ARHGAP32: variants seen among roughly 807,000 people sequenced by gnomAD.
ARHGAP32 encodes rho GTPase-activating protein 32.
ARHGAP32 carries 51 observed loss-of-function variants against 186.5 expected under a neutral mutation model. The observed-to-expected ratio is 0.27, with a 90% CI of 0.22 to 0.35. ARHGAP32 has a LOEUF of 0.35. Among genes scored for constraint, ARHGAP32 ranks in the 10% least tolerant of loss-of-function variants. The probability of loss-of-function intolerance (pLI) is 1.00; values close to 1 mark genes in which losing one functional copy is unlikely to be tolerated. For synonymous variants in ARHGAP32, 950 were observed against 964.3 expected, an observed-to-expected ratio of 0.99 and a Z score of 0.27; for missense variants, 2,186 against 2,623.5, an observed-to-expected ratio of 0.83 and a Z score of 3.64.
At chr11:129,258,036 G>C (rs1398390262) in intron 1 of ARHGAP32, among the ~76,000 whole-genome samples, 1 of 151,948 alleles carries the variant, frequency 6.6e-6, no homozygotes, top group African/African-American at 2.4e-5. Flanking sequence ...GTTCAAAAAA[G>C]TCTTATTTTT....
intron 1 of ARHGAP32, among the ~76,000 whole-genome samples, chr11:129,178,481 C>T (rs1943971963): frequency 6.6e-6 from 1 of 152,116 alleles, no homozygotes. Flanking sequence ...GCCCACAACG[C>T]CAAGTCAATC....
In ARHGAP32 at chr11:129,093,727, G is replaced by A. The variant is rs753829725; in HGVS notation, c.445-20C>T. ...TGAAAGCTACATCACAGAAAAAAAA[G>A]AAGAGGGGGAAAGAAAGTCATGATT... On this transcript the variant is annotated intron_variant, in intron 5 of 22. Transcript: ENST00000682385. 1 of 1,509,276 alleles carries A rather than the reference G, an allele frequency of 6.6e-7. No homozygotes were observed. Among genetic ancestry groups the A allele is most frequent in the South Asian group, 1.2e-5 (1 of 83,432 alleles). The allele number at this position is 1,509,276 out of a possible 1,614,324, so 93.5% of individuals were successfully genotyped here.
intron 1 of ARHGAP32, among the ~76,000 whole-genome samples, chr11:129,256,660 G>A (rs1009338169): frequency 1.2e-4 from 18 of 152,106 alleles, no homozygotes; most frequent in Non-Finnish European, 5.9e-5. Context: ...ATTTGAAGTC[G>A]GATAACATCC....
At chr11:129,262,572 A>C (rs934130567) in intron 1 of ARHGAP32, among the ~76,000 whole-genome samples, 1 of 151,906 alleles carries the variant, frequency 6.6e-6, no homozygotes. Context: ...TTTTTAGTAG[A>C]CAGGGTTTCA....
At chr11:129,142,203 C>A (rs902631625) in intron 2 of ARHGAP32, among the ~76,000 whole-genome samples, 1 of 152,116 alleles carries the variant, frequency 6.6e-6, no homozygotes, top group African/African-American at 2.4e-5. Context: ...CCCGGCTCTT[C>A]CCCTCTTTCC....
chr11:129,030,897 G>A (rs765427510), intron 11 of ARHGAP32, among the ~76,000 whole-genome samples: 1 of 152,170 alleles, frequency 6.6e-6, no homozygotes, highest in Non-Finnish European at 1.5e-5. Context: ...AGATCTGGTT[G>A]TATAAGTATG....
At chr11:129,250,222 C>T (rs10894010) in intron 1 of ARHGAP32, among the ~76,000 whole-genome samples, 30,240 of 151,736 alleles carry the variant, frequency 0.2, 3,167 homozygotes, top group East Asian at 0.24. Context: ...GTCAGTGATA[C>T]CCCCCTGAAA....
intron 2 of ARHGAP32, among the ~76,000 whole-genome samples, chr11:129,134,273 T>C (rs1263556015): frequency 6.6e-6 from 1 of 151,536 alleles, no homozygotes; most frequent in Admixed American, 6.6e-5. Context: ...AGAAAGAAAC[T>C]AAAGGTCTAT....
At position 128,976,478 on chromosome 11, in the gene ARHGAP32, C is replaced by T; in HGVS notation, c.2194+85G>A. ...ATGAGTTAATAGCCTATTTATTAAGCACAGATATATAAAAATATACTCAAT... is the reference window on the plus strand; with the variant it reads ...ATGAGTTAATAGCCTATTTATTAAGTACAGATATATAAAAATATACTCAAT... On this transcript the variant is annotated intron_variant, in intron 20 of 22. Transcript: ENST00000682385. 2.7e-6 allele frequency: 3 copies of T among 1,115,140 alleles called. No homozygotes were observed. The South Asian group carries it at 4.0e-5, about 15-fold the overall frequency. The allele number at this position is 1,115,140 out of a possible 1,614,324, so 69.1% of individuals were successfully genotyped here.
chr11:129,096,665 G>A (rs977488833), intron 5 of ARHGAP32, among the ~76,000 whole-genome samples: 4 of 152,150 alleles, frequency 2.6e-5, no homozygotes, highest in Non-Finnish European at 4.4e-5. Context: ...CTGTGGCTGC[G>A]GATCACTGCT....
intron 2 of ARHGAP32, among the ~76,000 whole-genome samples, chr11:129,162,150 G>C (rs1339206904): frequency 6.6e-6 from 1 of 152,092 alleles, no homozygotes. Context: ...CTGTCAGGGG[G>C]TGGGGGCTAG....
chr11:129,107,174 A>T (rs1480767767), intron 5 of ARHGAP32, among the ~76,000 whole-genome samples: 10 of 152,210 alleles, frequency 6.6e-5, no homozygotes, highest in Non-Finnish European at 1.3e-4. Context: ...ATACTGAAAG[A>T]AAAACCTAGT....
chr11:129,140,357 T>A (rs1943025549), intron 2 of ARHGAP32, among the ~76,000 whole-genome samples: 1 of 152,234 alleles, frequency 6.6e-6, no homozygotes, highest in South Asian at 2.1e-4. Context: ...GAGAACCCAG[T>A]TAAGCCTGCC....
At chr11:129,153,159 T>C (rs1943326724) in intron 2 of ARHGAP32, among the ~76,000 whole-genome samples, 1 of 150,314 alleles carries the variant, frequency 6.7e-6, no homozygotes, top group South Asian at 2.1e-4. Context: ...AAAAAAAAAT[T>C]AGGAATATAC....
intron 1 of ARHGAP32, among the ~76,000 whole-genome samples, chr11:129,253,631 G>A (rs1046731150): frequency 6.6e-6 from 1 of 152,058 alleles, no homozygotes. Flanking sequence ...TCCTCATAGG[G>A]CAATCAAAAA....
chr11:128,991,440 A>G (rs181689941), intron 12 of ARHGAP32, among the ~76,000 whole-genome samples: 104 of 152,338 alleles, frequency 6.8e-4, no homozygotes, highest in Non-Finnish European at 1.2e-3. Context: ...GCAAAAACTG[A>G]AAAACAATGT....
At chr11:129,037,014 C>T (rs1165781265) in intron 11 of ARHGAP32, among the ~76,000 whole-genome samples, 1 of 152,130 alleles carries the variant, frequency 6.6e-6, no homozygotes, top group Non-Finnish European at 1.5e-5. Flanking sequence ...TTCAGCAAGG[C>T]TTCAAGATAT....
At position 129,235,512 on chromosome 11, in the gene ARHGAP32, A is replaced by G. The variant is rs554990431; in HGVS notation, c.-5+43634T>C. ...CTCAAATACAAGAACTGGTAAAATG[A>G]CAGGGCAGCATGGACACAATTATAG... On this transcript the variant is annotated intron_variant, in intron 1 of 6. Coordinates refer to the ARHGAP32 transcript ENST00000525234. Among the ~76,000 whole-genome samples the G allele has an allele frequency of 7.2e-5, 11 of 152,314 alleles. No homozygotes were observed. The East Asian group carries it at 1.9e-3, about 27-fold the overall frequency.
chr11:128,992,822 T>C (rs569921871), intron 12 of ARHGAP32, among the ~76,000 whole-genome samples: 55 of 152,172 alleles, frequency 3.6e-4, no homozygotes, highest in South Asian at 1.0e-3. Context: ...CCAAAGTAAA[T>C]GACAAATCAG....
Sources: allele counts gnomAD v4.1 joint callset (sites outside exome capture counted in the v4.1 genomes callset), GRCh38; gene constraint gnomAD v4.1.1; transcripts MANE v1.5; gene names NCBI Gene and HGNC (gene_info 2026-07-23, HGNC 2026-07-21).